Variants in APC observed in about 807,000 individuals in gnomAD.
APC encodes APC regulator of Wnt signaling pathway.
A neutral mutation model predicts 247.0 loss-of-function variants in APC; 72 were observed. The observed-to-expected ratio is 0.29, with a 90% CI of 0.24 to 0.35. The LOEUF is 0.35. Ranked by LOEUF, APC falls within the 10% of genes least tolerant of loss-of-function variation. The probability of loss-of-function intolerance (pLI) is 1.00; values close to 1 mark genes in which losing one functional copy is unlikely to be tolerated. For missense variants in APC, 3,400 were observed against 3,360.7 expected (o/e 1.01, Z -0.29); for synonymous variants, 1,254 against 1,162.5 (o/e 1.08, Z -1.60).
chr5:112,794,814 C>G (rs1191655931), intron 7 of APC, among the ~76,000 whole-genome samples: 3 of 152,140 alleles, frequency 2.0e-5, no homozygotes, highest in Non-Finnish European at 4.4e-5. Flanking sequence ...CCTTCACGTT[C>G]AGTAATTCAT....
At chr5:112,755,323 G>A (rs896256943) in intron 2 of APC, among the ~76,000 whole-genome samples, 6 of 152,304 alleles carry the variant, frequency 3.9e-5, no homozygotes, top group African/African-American at 1.2e-4. Flanking sequence ...GGTTTTCTGT[G>A]TAGTTCATAG....
rs746583357 is a variant in APC at position 112,839,848 on chromosome 5, A to C, written c.4254A>C (p.Ile1418=). ...EPCSGMVSGI[I]SPSDLPDSPG... ...GCAGTGGAATGGTAAGTGGCATTATAAGCCCCAGTGATCTTCCAGATAGCC... is the reference window on the plus strand; with the variant it reads ...GCAGTGGAATGGTAAGTGGCATTATCAGCCCCAGTGATCTTCCAGATAGCC... Residue 1418 remains isoleucine, a synonymous_variant, in exon 16 of 16, where the codon ATA becomes ATC. Coordinates refer to ENST00000257430, the MANE Select transcript of APC (RefSeq NM_000038.6). This position sits in a 1 kb window ranked among gnomAD's most constrained non-coding sequence, Gnocchi z 5.0. 2 of 1,614,140 alleles carry C rather than the reference A, an allele frequency of 1.2e-6. No homozygotes were observed. Among genetic ancestry groups the C allele is most frequent in the South Asian group, 1.1e-5 (1 of 91,088 alleles).
Position 112,840,431 on chromosome 5 carries a change from C to T in APC, c.4837C>T (p.Pro1613Ser), listed in dbSNP as rs1060503335. 7 of 1,614,178 alleles carry T rather than the reference C, an allele frequency of 4.3e-6. No individual in the cohort carries two copies. The highest frequency in any genetic ancestry group is 5.1e-6 in the Non-Finnish European group (6 of 1,180,024). Residue 1613 changes from proline to serine, a missense_variant, in exon 16 of 16, where the codon CCT becomes TCT. Pro to Ser is a moderately conservative substitution (Grantham distance 74). Coordinates refer to ENST00000257430, the MANE Select transcript of APC (RefSeq NM_000038.6). The surrounding 1 kb of genome is among the most constrained non-coding windows in gnomAD (Gnocchi z 4.1). ...PPVARKPSQLPVYKLLPSQNR... is the reference protein window; with the variant it reads ...PPVARKPSQLSVYKLLPSQNR... ...TGTGGCAAGGAAACCAAGTCAGCTG[C>T]CTGTGTACAAACTTCTACCATCACA...
Position 112,815,547 on chromosome 5 carries a change from G to C in APC, c.887G>C (p.Ser296Thr), listed in dbSNP as rs1762421045. ...ACAGCCAGTGTTTTGAGTTCTAGTA[G>C]CACACACTCTGCACCTCGAAGGCTG... ...HETASVLSSS[S>T]THSAPRRLTS... Residue 296 changes from serine to threonine, a missense_variant, in exon 9 of 16, where the codon AGC (serine) becomes ACC (threonine). This residue lies in a region of APC where 372 missense variants were observed against 367.6 expected (regional missense o/e 1.01). Transcript: ENST00000257430. The C allele has an allele frequency of 5.6e-6, 9 of 1,612,404 alleles. No individual in the cohort carries two copies. The highest frequency in any genetic ancestry group is 7.6e-6 in the Non-Finnish European group (9 of 1,178,874).
At chr5:112,735,209 T>C (rs552984244), upstream of APC, among the ~76,000 whole-genome samples, 6 of 152,158 alleles carry the variant, frequency 3.9e-5, no homozygotes, top group South Asian at 1.2e-3. Flanking sequence ...AGACATGGTC[T>C]CTGTTGCACA....
At chr5:112,775,814 AT>A in intron 5 of APC, 77 bp downstream of exon 5, 1 of 809,022 alleles carries the variant, frequency 1.2e-6, no homozygotes, top group Non-Finnish European at 2.0e-6. Context: ...ATCCATTAAA[AT>A]TCAGGATAAC....
At chr5:112,741,344 CAG>C (rs1416059462) in intron 1 of APC, among the ~76,000 whole-genome samples, 1 of 152,146 alleles carries the variant, frequency 6.6e-6, no homozygotes, top group Non-Finnish European at 1.5e-5. Context: ...CTTAGAGTCA[CAG>C]AGAATTTTTG....
rs865782682 is a variant in APC at position 112,840,993 on chromosome 5, A to G, written c.5399A>G (p.Asn1800Ser). The G allele has an allele frequency of 9.9e-6, 16 of 1,611,882 alleles. No individual in the cohort carries two copies. In the Middle Eastern group the frequency reaches 2.3e-3, roughly 232 times the overall value. ...AATGCAGACTCAAAAAATAATTTAAATGCTGAGAGAGTTTTCTCAGACAAC... is the reference window on the plus strand; with the variant it reads ...AATGCAGACTCAAAAAATAATTTAAGTGCTGAGAGAGTTTTCTCAGACAAC... ...RKNADSKNNL[N>S]AERVFSDNKD... The change falls in exon 16 of 16, where the codon AAT becomes AGT. Residue 1800 changes from asparagine (N) to serine (S), a missense_variant. By Grantham distance (46) the Asn-to-Ser change is conservative (BLOSUM62 1). This residue lies in a region of APC where 1,788 missense variants were observed against 1,649.5 expected (regional missense o/e 1.08). Transcript: ENST00000257430. The surrounding 1 kb of genome is among the most constrained non-coding windows in gnomAD (Gnocchi z 4.1).
At chr5:112,725,157 G>A (rs1751702052) in intron 1 of APC, among the ~76,000 whole-genome samples, 1 of 151,948 alleles carries the variant, frequency 6.6e-6, no homozygotes, top group Non-Finnish European at 1.5e-5. Context: ...ATTTTTAGTA[G>A]AGACAGAGTT....
intron 2 of APC, among the ~76,000 whole-genome samples, chr5:112,757,908 T>C (rs1195871823): frequency 1.3e-5 from 2 of 152,186 alleles, no homozygotes; most frequent in African/African-American, 4.8e-5. Flanking sequence ...TTTTTAAGTA[T>C]AATGATATTA....
chr5:112,745,547 C>T (rs1561430765), intron 1 of APC, among the ~76,000 whole-genome samples: 1 of 129,406 alleles, frequency 7.7e-6, no homozygotes, highest in African/African-American at 2.6e-5. Context: ...TTAATATTCA[C>T]TTTATTATTA....
chr5:112,800,226 T>G (rs1456773170), intron 7 of APC, among the ~76,000 whole-genome samples: 1 of 152,214 alleles, frequency 6.6e-6, no homozygotes, highest in Non-Finnish European at 1.5e-5. Context: ...TACGTTAGTG[T>G]CAAATCTTTG....
At position 112,840,924 on chromosome 5, in the gene APC, A is replaced by G. The variant is rs2149937628; in HGVS notation, c.5330A>G (p.Lys1777Arg). 1 of 1,613,936 alleles carries G rather than the reference A, an allele frequency of 6.2e-7. No homozygotes were observed. The highest frequency in any genetic ancestry group is 8.5e-7 in the Non-Finnish European group (1 of 1,179,832). The stretch of plus-strand genomic sequence containing the variant: ...AAAAAGAAACCAACTTCACCAGTAA[A>G]ACCTATACCACAAAATACTGAATAT... ...GKKKKPTSPV[K>R]PIPQNTEYRT... The change falls in exon 16 of 16, where the codon AAA becomes AGA. Residue 1777 changes from lysine (K) to arginine (R), a missense_variant. Around this residue, in one of 9 missense-constraint regions of APC, gnomAD observed 1,788 missense variants for 1,649.5 expected, o/e 1.08. Transcript: ENST00000257430. This position sits in a 1 kb window ranked among gnomAD's most constrained non-coding sequence, Gnocchi z 4.1.
chr5:112,782,305 A>T (rs912480935), intron 6 of APC, among the ~76,000 whole-genome samples: 11 of 152,302 alleles, frequency 7.2e-5, no homozygotes, highest in Non-Finnish European at 1.5e-4. Context: ...TAATTTAATT[A>T]TCTCCCACTG....
At chr5:112,736,007 G>A (rs1752361958), upstream of APC, among the ~76,000 whole-genome samples, 1 of 152,174 alleles carries the variant, frequency 6.6e-6, no homozygotes, top group Non-Finnish European at 1.5e-5. Flanking sequence ...AGGGTACTAA[G>A]AAGTTCTTTT....
rs897286382 is a variant in APC, at chr5:112,788,374, T to G, written c.646-4072T>G. ...AGATTAAGGAGAAGTCAGACCTTCA[T>G]AATATTTAGTCTTGGTTGAAAGGAT... On this transcript the variant is annotated intron_variant, in intron 6 of 15. Coordinates refer to ENST00000257430, the MANE Select transcript of APC (RefSeq NM_000038.6). Among the ~76,000 whole-genome samples the G allele has an allele frequency of 2.0e-5, 3 of 152,286 alleles. No homozygotes were observed. The East Asian group carries it at 5.8e-4, about 29-fold the overall frequency.
intron 1 of APC, among the ~76,000 whole-genome samples, chr5:112,751,423 G>A (rs1020980806): frequency 1.3e-5 from 2 of 151,928 alleles, no homozygotes. Context: ...TTATAAGTTA[G>A]CTTAGGGAGA....
In APC at chr5:112,824,912, T is replaced by C. The variant is rs190788055; in HGVS notation, c.1409-2196T>C. Among the ~76,000 whole-genome samples the C allele has an allele frequency of 3.9e-5, 6 of 152,178 alleles. No individual in the cohort carries two copies. In the East Asian group the frequency reaches 1.2e-3, roughly 29 times the overall value. ...CTTTCTCTCTATGCTTCTGTTATAG[T>C]TTTTGTTTTTGTTTTCAAATTTACA... On this transcript the variant is annotated intron_variant, in intron 11 of 15. Coordinates refer to ENST00000257430, the MANE Select transcript of APC (RefSeq NM_000038.6).
intron 6 of APC, among the ~76,000 whole-genome samples, chr5:112,790,198 A>G (rs1190052633): frequency 6.6e-6 from 1 of 152,128 alleles, no homozygotes; most frequent in East Asian, 1.9e-4. Flanking sequence ...TACTTTCAGA[A>G]TCATGATAGA....
Sources: allele counts gnomAD v4.1 joint callset (sites outside exome capture counted in the v4.1 genomes callset), GRCh38; gene constraint gnomAD v4.1.1; regional missense constraint gnomAD v4.1.1; non-coding constraint Gnocchi (gnomAD v3.1); transcripts MANE v1.5; gene names NCBI Gene and HGNC (gene_info 2026-07-23, HGNC 2026-07-21).